The following EXOC6B variants were observed in gnomAD, a reference collection of about 807,000 sequenced individuals.
EXOC6B encodes the protein SEC15 homolog B.
Under a neutral mutation model 113.5 loss-of-function variants are expected in EXOC6B, and 54 were observed. The observed-to-expected ratio is 0.48, with a 90% CI of 0.38 to 0.60. The LOEUF is 0.60. Among genes scored for constraint, EXOC6B ranks in the 20% least tolerant of loss-of-function variants. EXOC6B has a pLI of 0.00. For missense variants in EXOC6B, 797 were observed against 977.5 expected, an observed-to-expected ratio of 0.82 and a Z score of 2.46; for synonymous variants, 357 against 339.0, an observed-to-expected ratio of 1.05 and a Z score of -0.58.
intron 6 of EXOC6B, among the ~76,000 whole-genome samples, chr2:72,664,010 T>A (rs1459471594): frequency 6.6e-6 from 1 of 151,760 alleles, no homozygotes; most frequent in East Asian, 1.9e-4. Context: ...CCTAAAACCA[T>A]CCTAAAAAAT....
intron 15 of EXOC6B, 30 bp from the exon 16 acceptor site, chr2:72,492,459 A>G (rs769873408): frequency 7.0e-7 from 1 of 1,423,428 alleles, no homozygotes; most frequent in Non-Finnish European, 9.9e-7. Context: ...AGTCAGTCAT[A>G]GCAGGTAGCA....
chr2:72,342,535 T>A (rs772942217), intron 19 of EXOC6B, among the ~76,000 whole-genome samples: 1 of 152,118 alleles, frequency 6.6e-6, no homozygotes, highest in Non-Finnish European at 1.5e-5. Flanking sequence ...ATACAAGATA[T>A]AATGAACGTT....
chr2:72,664,480 AC>A (rs779805823), intron 6 of EXOC6B, among the ~76,000 whole-genome samples: 7 of 152,096 alleles, frequency 4.6e-5, no homozygotes, highest in South Asian at 2.1e-4. Context: ...AGATCCCATG[AC>A]CCCCCACAGA....
chr2:72,528,463 A>G (rs1157927345), intron 8 of EXOC6B, among the ~76,000 whole-genome samples: 1 of 152,114 alleles, frequency 6.6e-6, no homozygotes, highest in Non-Finnish European at 1.5e-5. Context: ...TCTTGAAATT[A>G]TATGAGTTAA....
At chr2:72,441,575 G>A (rs539036804) in intron 18 of EXOC6B, among the ~76,000 whole-genome samples, 7 of 151,892 alleles carry the variant, frequency 4.6e-5, no homozygotes, top group African/African-American at 1.2e-4. Flanking sequence ...CACTAAACCC[G>A]CAGAAATACA....
At chr2:72,676,141 A>G (rs1020546699) in intron 6 of EXOC6B, among the ~76,000 whole-genome samples, 17 of 150,122 alleles carry the variant, frequency 1.1e-4, no homozygotes, top group African/African-American at 4.0e-4. Context: ...AAAAAAAAAA[A>G]GAAGAAGAAG....
chr2:72,686,853 C>T (rs1677123384), intron 6 of EXOC6B, among the ~76,000 whole-genome samples: 3 of 152,028 alleles, frequency 2.0e-5, no homozygotes, highest in South Asian at 2.1e-4. Context: ...ATAAAACCTT[C>T]GCTTCAGCTG....
intron 2 of EXOC6B, among the ~76,000 whole-genome samples, chr2:72,739,298 T>C (rs1446893062): frequency 6.6e-6 from 1 of 152,138 alleles, no homozygotes; most frequent in African/African-American, 2.4e-5. Flanking sequence ...ATTGTTTAAA[T>C]TTGCATTCCT....
chr2:72,308,904 G>A (rs986515531), intron 20 of EXOC6B, among the ~76,000 whole-genome samples: 2 of 151,988 alleles, frequency 1.3e-5, no homozygotes, highest in Non-Finnish European at 2.9e-5. Flanking sequence ...TTTAAATGAA[G>A]ATGATGACTA....
At chr2:72,690,726 T>A (rs1054439300) in intron 6 of EXOC6B, among the ~76,000 whole-genome samples, 5 of 152,176 alleles carry the variant, frequency 3.3e-5, no homozygotes, top group African/African-American at 1.2e-4. Flanking sequence ...CTGGGGTACT[T>A]GGGGCTCATT....
chr2:72,250,545 T>C lies in EXOC6B; in HGVS notation c.2197-66358A>G, dbSNP rs145519244. On this transcript the variant is annotated intron_variant, in intron 20 of 21. Coordinates refer to ENST00000272427, the MANE Select transcript of EXOC6B (RefSeq NM_015189.3). Reference sequence around the variant, plus strand: ...TTTTTGTAGAGACAGGGTTTTGCCATGTTGCCCAGGCTGGTCTTGAACTCC... The same window carrying C: ...TTTTTGTAGAGACAGGGTTTTGCCACGTTGCCCAGGCTGGTCTTGAACTCC... Among the ~76,000 whole-genome samples the C allele has an allele frequency of 1.5e-4, 23 of 152,038 alleles. No individual in the cohort carries two copies. In the East Asian group the frequency reaches 3.7e-3, roughly 24 times the overall value.
intron 21 of EXOC6B, among the ~76,000 whole-genome samples, chr2:72,181,355 G>C (rs1467117590): frequency 6.6e-6 from 1 of 152,160 alleles, no homozygotes; most frequent in Non-Finnish European, 1.5e-5. Flanking sequence ...AGAAGGGGAA[G>C]TGACTGCGCT....
At chr2:72,708,896 ATTTTTTTTTTTTTTT>A (rs1159794341) in intron 6 of EXOC6B, among the ~76,000 whole-genome samples, 1 of 69,790 alleles carries the variant, frequency 1.4e-5, no homozygotes, top group Non-Finnish European at 2.5e-5. Flanking sequence ...CATCCAGCTA[ATTTTTTTTTTTTTTT>A]TTTTTTTTTT....
chr2:72,619,300 G>A (rs1287205910), intron 6 of EXOC6B, among the ~76,000 whole-genome samples: 15 of 152,080 alleles, frequency 9.9e-5, no homozygotes, highest in Admixed American at 9.8e-4. Flanking sequence ...GATTAAAAGA[G>A]TCGAGTTGGG....
At chr2:72,736,286 T>C (rs1680954726) in intron 2 of EXOC6B, among the ~76,000 whole-genome samples, 1 of 152,224 alleles carries the variant, frequency 6.6e-6, no homozygotes. Flanking sequence ...TGTGTATGTA[T>C]ACACTGAGAA....
At chr2:72,607,073 A>G (rs777236231) in intron 6 of EXOC6B, among the ~76,000 whole-genome samples, 37 of 152,202 alleles carry the variant, frequency 2.4e-4, no homozygotes, top group Admixed American at 5.9e-4. Flanking sequence ...CATTCTCAGA[A>G]CAGTATTAAT....
intron 20 of EXOC6B, among the ~76,000 whole-genome samples, chr2:72,287,116 G>GA (rs972471449): frequency 2.2e-4 from 33 of 151,596 alleles, no homozygotes; most frequent in Non-Finnish European, 3.4e-4. Flanking sequence ...ACTGCTAATA[G>GA]AAAAAAAATC....
intron 18 of EXOC6B, among the ~76,000 whole-genome samples, chr2:72,412,606 T>C (rs1694253015): frequency 6.6e-6 from 1 of 152,234 alleles, no homozygotes; most frequent in African/African-American, 2.4e-5. Context: ...CAAAAAGTTA[T>C]TTTGCTTAGT....
chr2:72,785,190 G>A (rs939450231), intron 1 of EXOC6B, among the ~76,000 whole-genome samples: 2 of 152,226 alleles, frequency 1.3e-5, no homozygotes, highest in African/African-American at 2.4e-5. Flanking sequence ...GGACAGCTCT[G>A]CCCCTGTGGC....
Sources: allele counts gnomAD v4.1 joint callset (sites outside exome capture counted in the v4.1 genomes callset), GRCh38; gene constraint gnomAD v4.1.1; transcripts MANE v1.5; gene names NCBI Gene and HGNC (gene_info 2026-07-23, HGNC 2026-07-21).